Variants in CPNE8 observed in about 807,000 individuals in gnomAD.
CPNE8 encodes copine 8.
A neutral mutation model predicts 81.5 loss-of-function variants in CPNE8; 45 were observed. That is an observed-to-expected ratio of 0.55 (90% CI 0.44 to 0.71). The LOEUF (loss-of-function observed/expected upper bound fraction) is 0.71. CPNE8 is among the 30% of genes least tolerant of loss of function. The pLI is 0.00. For missense variants in CPNE8, 594 were observed against 672.1 expected (o/e 0.88, Z 1.28); for synonymous variants, 252 against 226.3 (o/e 1.11, Z -1.02).
intron 14 of CPNE8, among the ~76,000 whole-genome samples, chr12:38,698,360 T>C (rs1017821113): frequency 8.5e-5 from 13 of 152,210 alleles, no homozygotes; most frequent in African/African-American, 2.9e-4. Flanking sequence ...GGGATGTCTT[T>C]TCATTTTCTT....
At chr12:38,773,283 A>G (rs1163974998) in intron 7 of CPNE8, among the ~76,000 whole-genome samples, 1 of 152,136 alleles carries the variant, frequency 6.6e-6, no homozygotes, top group Non-Finnish European at 1.5e-5. Flanking sequence ...TGTATATTTA[A>G]AAATCTGCTG....
chr12:38,699,023 T>C (rs887755729), intron 14 of CPNE8, among the ~76,000 whole-genome samples: 3 of 152,248 alleles, frequency 2.0e-5, no homozygotes, highest in Non-Finnish European at 2.9e-5. Flanking sequence ...TGATAAAGAT[T>C]GCTTTAAATC....
intron 6 of CPNE8, among the ~76,000 whole-genome samples, chr12:38,799,181 T>C (rs11503621): frequency 7.2e-5 from 11 of 152,034 alleles, no homozygotes; most frequent in Admixed American, 5.9e-4. Flanking sequence ...ATTGAACTCA[T>C]CTCTGCACCA....
chr12:38,869,526 G>A (rs1943960606), intron 3 of CPNE8, among the ~76,000 whole-genome samples: 1 of 152,172 alleles, frequency 6.6e-6, no homozygotes, highest in Non-Finnish European at 1.5e-5. Context: ...AAATGGTTTT[G>A]TGGGGCTTAG....
chr12:38,765,037 C>T (rs1826866624), intron 8 of CPNE8, among the ~76,000 whole-genome samples: 1 of 152,146 alleles, frequency 6.6e-6, no homozygotes, highest in African/African-American at 2.4e-5. Flanking sequence ...TAATTAAATA[C>T]TTTTGACACT....
chr12:38,827,906 G>T (rs536075019), intron 6 of CPNE8, among the ~76,000 whole-genome samples: 1 of 152,196 alleles, frequency 6.6e-6, no homozygotes, highest in South Asian at 2.1e-4. Flanking sequence ...TAATCTGTAT[G>T]CCAAAGCCCT....
At chr12:38,904,327 A>G (rs537380040) in intron 1 of CPNE8, among the ~76,000 whole-genome samples, 1 of 152,328 alleles carries the variant, frequency 6.6e-6, no homozygotes, top group African/African-American at 2.4e-5. Flanking sequence ...GTACCAATTT[A>G]GCACCATCGC....
chr12:38,863,665 C>T (rs1367771283), intron 3 of CPNE8, among the ~76,000 whole-genome samples: 1 of 152,136 alleles, frequency 6.6e-6, no homozygotes, highest in Non-Finnish European at 1.5e-5. Context: ...GAAAATCAAG[C>T]ATGTATTTCA....
rs994064139 is a variant in CPNE8 at position 38,652,538 on chromosome 12, C to A, written c.*1344G>T. 6.6e-6 allele frequency: 1 copy of A among 152,170 alleles called. No homozygotes were observed. Among genetic ancestry groups the A allele is most frequent in the African/African-American group, 2.4e-5 (1 of 41,308 alleles). The allele number at this position is 152,170 out of a possible 1,614,324, so 9.4% of individuals were successfully genotyped here. A position where few individuals can be genotyped will look rare whatever the true frequency, so the allele number is the denominator to read the frequency against. On this transcript the variant is annotated 3_prime_UTR_variant, in exon 20 of 20. Transcript: ENST00000331366. Reference sequence around the variant, plus strand: ...GAAAACAATGTACAGTAGAAATAAACCAAGTATTAAATAGAATATATAGGT... The same window carrying A: ...GAAAACAATGTACAGTAGAAATAAAACAAGTATTAAATAGAATATATAGGT...
chr12:38,700,684 C>A (rs551213339), intron 14 of CPNE8, among the ~76,000 whole-genome samples: 2 of 152,230 alleles, frequency 1.3e-5, no homozygotes, highest in Admixed American at 1.3e-4. Context: ...TGTCCCCACC[C>A]AAATTTCATC....
intron 8 of CPNE8, among the ~76,000 whole-genome samples, chr12:38,763,137 G>A (rs901015673): frequency 6.6e-6 from 1 of 152,208 alleles, no homozygotes; most frequent in Non-Finnish European, 1.5e-5. Flanking sequence ...GATTACAGGC[G>A]TGAGCCACTG....
At chr12:38,727,966 G>A (rs1324939883) in intron 11 of CPNE8, among the ~76,000 whole-genome samples, 1 of 152,158 alleles carries the variant, frequency 6.6e-6, no homozygotes, top group Non-Finnish European at 1.5e-5. Flanking sequence ...ACAAATCTCT[G>A]TCAAAATATC....
At chr12:38,744,072 A>C (rs1045529703) in intron 10 of CPNE8, among the ~76,000 whole-genome samples, 8 of 152,042 alleles carry the variant, frequency 5.3e-5, no homozygotes, top group African/African-American at 1.2e-4. Context: ...GAGTGTGAAA[A>C]GTTAAGTATC....
intron 13 of CPNE8, among the ~76,000 whole-genome samples, chr12:38,710,268 C>CAAAAAA (rs57376063): frequency 0.072 from 3,611 of 50,164 alleles, 287 homozygotes; most frequent in Middle Eastern, 0.12. Context: ...AATAAGCTAA[C>CAAAAAA]AAAAAAAAAA....
chr12:38,734,075 C>T (rs2136773767), intron 10 of CPNE8, among the ~76,000 whole-genome samples: 1 of 152,086 alleles, frequency 6.6e-6, no homozygotes, highest in African/African-American at 2.4e-5. Context: ...TATCTCTCAT[C>T]ACAGTTCCTA....
intron 4 of CPNE8, among the ~76,000 whole-genome samples, chr12:38,842,922 T>C (rs1943497339): frequency 6.6e-6 from 1 of 152,192 alleles, no homozygotes; most frequent in South Asian, 2.1e-4. Context: ...CTTCTAACTT[T>C]TCTAAATATA....
At chr12:38,674,977 G>A (rs964623545) in intron 18 of CPNE8, among the ~76,000 whole-genome samples, 6 of 152,182 alleles carry the variant, frequency 3.9e-5, no homozygotes, top group African/African-American at 1.4e-4. Flanking sequence ...ATATTATGTG[G>A]CTGTGTACTT....
At chr12:38,701,291 T>C (rs984511133) in intron 14 of CPNE8, among the ~76,000 whole-genome samples, 3 of 152,194 alleles carry the variant, frequency 2.0e-5, no homozygotes, top group Non-Finnish European at 4.4e-5. Flanking sequence ...ACTACTAATT[T>C]AGTCATTTTA....
At chr12:38,717,153 G>C (rs1309488473) in intron 13 of CPNE8, among the ~76,000 whole-genome samples, 1 of 151,858 alleles carries the variant, frequency 6.6e-6, no homozygotes, top group Non-Finnish European at 1.5e-5. Flanking sequence ...TGTTAGCATG[G>C]ATGTGGTGAA....
Sources: allele counts gnomAD v4.1 joint callset (sites outside exome capture counted in the v4.1 genomes callset), GRCh38; gene constraint gnomAD v4.1.1; transcripts MANE v1.5; gene names NCBI Gene and HGNC (gene_info 2026-07-23, HGNC 2026-07-21).